AHRR: variants seen among roughly 807,000 people sequenced by gnomAD.
AHRR encodes ahR repressor.
In AHRR, 28 loss-of-function variants were observed where a neutral mutation model predicts 44.0. The observed-to-expected ratio is 0.64, with a 90% CI of 0.47 to 0.87. AHRR has a LOEUF of 0.87. Ranked by LOEUF, AHRR falls within the 40% of genes least tolerant of loss-of-function variation. The pLI is 0.00. For synonymous variants in AHRR, 434 were observed against 407.0 expected, an observed-to-expected ratio of 1.07 and a Z score of -0.80; for missense variants, 990 against 953.9, an observed-to-expected ratio of 1.04 and a Z score of -0.50.
chr5:329,175 T>C lies in AHRR; in HGVS notation c.-11+7356T>C, dbSNP rs1296153013. 6.6e-5 allele frequency among the ~76,000 whole-genome samples: 10 copies of C among 152,306 alleles called. No individual in the cohort carries two copies. The East Asian group carries it at 1.7e-3, about 26-fold the overall frequency. ...CTTATGAATTTTAGGATTATTTTTC[T>C]TTTTCTCTTTTCTTCTCCTCCTCCT... On this transcript the variant is annotated intron_variant, in intron 1 of 10. Coordinates refer to ENST00000684583, the MANE Select transcript of AHRR (RefSeq NM_001377236.1).
At chr5:353,676 G>T in intron 2 of AHRR, 54 bp from the exon 3 acceptor site, 1 of 1,539,538 alleles carries the variant, frequency 6.5e-7, no homozygotes, top group Non-Finnish European at 8.7e-7. Flanking sequence ...CCGCCCCAGG[G>T]GGCCTGTGGC....
chr5:402,407 CGTTGTTG>C (rs1735053287), intron 4 of AHRR, among the ~76,000 whole-genome samples: 1 of 128,184 alleles, frequency 7.8e-6, no homozygotes, highest in Non-Finnish European at 1.6e-5. Flanking sequence ...GGAAGGCAGT[CGTTGTTG>C]AGGGTGTGGA....
At position 404,780 on chromosome 5, in the gene AHRR, T is replaced by C. The variant is rs971684032; in HGVS notation, c.352-8564T>C. Among the ~76,000 whole-genome samples the C allele has an allele frequency of 6.6e-6, 1 of 152,122 alleles. No individual in the cohort carries two copies. The highest frequency in any genetic ancestry group is 1.9e-4 in the East Asian group (1 of 5,184). ...GGAGGCTGGATGAGAAGGTGTTATG[T>C]TTTTAGGTGAAAATCGGAGGTGGCG... On this transcript the variant is annotated intron_variant, in intron 4 of 10. Transcript: ENST00000684583. This position sits in a 1 kb window ranked among gnomAD's most constrained non-coding sequence, Gnocchi z 4.1.
chr5:432,757 C>T (rs752973916), intron 9 of AHRR, 49 bp from the exon 10 acceptor site: 3 of 1,613,550 alleles, frequency 1.9e-6, no homozygotes, highest in Non-Finnish European at 2.5e-6. Context: ...CTTCCAGGAG[C>T]TCCTCAGCTC....
In AHRR at chr5:383,526, T is replaced by G. The variant is rs948150697; in HGVS notation, c.351+6810T>G. Among the ~76,000 whole-genome samples, 2 of 152,112 alleles carry G rather than the reference T, an allele frequency of 1.3e-5. No homozygotes were observed. The highest frequency in any genetic ancestry group is 4.8e-5 in the African/African-American group (2 of 41,422). ...TAGTTTCTCTTGTTCTGAAATCCAC[T>G]TTGTCTGGTACTAATATAGCATTCC... On this transcript the variant is annotated intron_variant, in intron 4 of 10. Transcript: ENST00000684583. This position sits in a 1 kb window ranked among gnomAD's most constrained non-coding sequence, Gnocchi z 4.0.
chr5:349,169 A>G (rs188916377), intron 2 of AHRR, among the ~76,000 whole-genome samples: 3 of 152,292 alleles, frequency 2.0e-5, no homozygotes, highest in Admixed American at 2.0e-4. Flanking sequence ...TTTTCTTACT[A>G]TTGAGTTGTA....
rs1017741210 is a variant in AHRR, at chr5:333,746, T to C, written c.-10-10147T>C. Among the ~76,000 whole-genome samples the C allele has an allele frequency of 4.6e-5, 7 of 152,348 alleles. No individual in the cohort carries two copies. The East Asian group carries it at 1.2e-3, about 25-fold the overall frequency. The stretch of plus-strand genomic sequence containing the variant: ...TTTCTTTTCCTCTGGCTGTTTGTCA[T>C]TGTGGTTTGGCTGAATTCTGTAGCA... On this transcript the variant is annotated intron_variant, in intron 1 of 10. Transcript: ENST00000684583.
chr5:433,786 C>G, intron 10 of AHRR, 67 bp from the exon 11 acceptor site: 1 of 1,422,950 alleles, frequency 7.0e-7, no homozygotes. Flanking sequence ...CTTAGAGACC[C>G]CCACCCAGGG....
intron 4 of AHRR, among the ~76,000 whole-genome samples, chr5:399,427 A>C (rs916999455): frequency 2.6e-5 from 4 of 152,182 alleles, no homozygotes; most frequent in African/African-American, 9.7e-5. Context: ...TTAAAAGCAT[A>C]AGTTTTGTTC....
chr5:335,383 GCAGGTAGGTGCCAGCTGA>G (rs1478391069), intron 1 of AHRR, among the ~76,000 whole-genome samples: 7 of 152,086 alleles, frequency 4.6e-5, no homozygotes, highest in African/African-American at 1.7e-4. Context: ...GCTGGCACTT[GCAGGTAGGTGCCAGCTGA>G]GGTGGTAGTG....
intron 4 of AHRR, among the ~76,000 whole-genome samples, chr5:391,343 G>C (rs1221438614): frequency 8.6e-5 from 11 of 128,472 alleles, no homozygotes; most frequent in African/African-American, 2.7e-4. Context: ...GGCGAGGCGG[G>C]CGCAGGGCGA....
intron 5 of AHRR, chr5:422,379 G>C: frequency 2.8e-6 from 1 of 354,820 alleles, no homozygotes; most frequent in South Asian, 2.3e-5. Context: ...GAAGTGATGG[G>C]AAACCGAGTC....
Position 404,431 on chromosome 5 carries a change from C to T in AHRR, c.352-8913C>T. The T allele has an allele frequency of 1.9e-6, 1 of 537,850 alleles. No homozygotes were observed. The highest frequency in any genetic ancestry group is 1.4e-5 in the South Asian group (1 of 71,930). The allele number at this position is 537,850 out of a possible 1,614,324, so 33.3% of individuals were successfully genotyped here. On this transcript the variant is annotated intron_variant, in intron 4 of 10. Coordinates refer to ENST00000684583, the MANE Select transcript of AHRR (RefSeq NM_001377236.1). This position sits in a 1 kb window ranked among gnomAD's most constrained non-coding sequence, Gnocchi z 4.1. ...AAGGAGAGTCTTGGGGCAGAAGCAA[C>T]AGGGGACCACTGTGCTGGTGCTGTC...
At chr5:424,779 A>T (rs1217314289) in intron 7 of AHRR, among the ~76,000 whole-genome samples, 2 of 152,106 alleles carry the variant, frequency 1.3e-5, no homozygotes, top group African/African-American at 4.8e-5. Context: ...TCTCTTGCAA[A>T]CAGATACTTG....
At chr5:386,308 A>G (rs1334455991) in intron 4 of AHRR, among the ~76,000 whole-genome samples, 1 of 152,242 alleles carries the variant, frequency 6.6e-6, no homozygotes, top group African/African-American at 2.4e-5. Context: ...TAATGGGCCC[A>G]AAGCTGTTCA....
intron 3 of AHRR, among the ~76,000 whole-genome samples, chr5:356,147 T>A (rs755996023): frequency 1.3e-5 from 2 of 152,188 alleles, no homozygotes; most frequent in Non-Finnish European, 2.9e-5. Context: ...GGTCGGGATT[T>A]TCCACTCTTG....
chr5:359,801 A>G (rs1046640592), intron 3 of AHRR, among the ~76,000 whole-genome samples: 4 of 152,152 alleles, frequency 2.6e-5, no homozygotes, highest in African/African-American at 9.7e-5. Flanking sequence ...CTAGGTGGGC[A>G]AGAACAGAGG....
At chr5:394,069 C>A (rs186027297) in intron 4 of AHRR, among the ~76,000 whole-genome samples, 57 of 152,332 alleles carry the variant, frequency 3.7e-4, no homozygotes, top group Admixed American at 7.2e-4. Context: ...TCCATTCTTG[C>A]TTTTATCTTC....
chr5:408,382 CTT>C (rs34389831), intron 4 of AHRR, among the ~76,000 whole-genome samples: 1 of 145,872 alleles, frequency 6.9e-6, no homozygotes, highest in Non-Finnish European at 1.5e-5. Flanking sequence ...TTTCCTGAGC[CTT>C]TTTTTTTTTC....
Sources: allele counts gnomAD v4.1 joint callset (sites outside exome capture counted in the v4.1 genomes callset), GRCh38; gene constraint gnomAD v4.1.1; non-coding constraint Gnocchi (gnomAD v3.1); transcripts MANE v1.5; gene names NCBI Gene and HGNC (gene_info 2026-07-23, HGNC 2026-07-21).